Variants in SHANK2 observed in about 807,000 individuals in gnomAD.
The protein encoded by SHANK2 is SH3 and multiple ankyrin repeat domains protein 2.
SHANK2 carries 43 observed loss-of-function variants against 133.7 expected under a neutral mutation model. The ratio of observed to expected loss-of-function variants is 0.32; its 90% confidence interval spans 0.25 to 0.41. The LOEUF (loss-of-function observed/expected upper bound fraction) is 0.41, where lower values mean the gene tolerates loss of function less well. SHANK2 is among the 10% of genes least tolerant of loss of function. The probability of loss-of-function intolerance (pLI) is 1.00; values close to 1 mark genes in which losing one functional copy is unlikely to be tolerated. For missense variants in SHANK2, 1,994 were observed against 2,235.8 expected, an observed-to-expected ratio of 0.89 and a Z score of 2.18; for synonymous variants, 1,017 against 952.8, an observed-to-expected ratio of 1.07 and a Z score of -1.24.
intron 17 of SHANK2, among the ~76,000 whole-genome samples, chr11:70,529,772 GA>G (rs1327951659): frequency 8.5e-5 from 13 of 152,118 alleles, no homozygotes; most frequent in Non-Finnish European, 1.5e-4. Context: ...CATTTCATGT[GA>G]AAGGAATCAG....
chr11:70,763,737 G>A, intron 14 of SHANK2, among the ~76,000 whole-genome samples: 1 of 152,178 alleles, frequency 6.6e-6, no homozygotes, highest in East Asian at 1.9e-4. Flanking sequence ...CAGGCAGAAT[G>A]CATTTGACAG....
chr11:70,489,620 T>C (rs1406254564), intron 23 of SHANK2: 4 of 538,536 alleles, frequency 7.4e-6, no homozygotes, highest in East Asian at 6.4e-5. Flanking sequence ...TCCACAACTC[T>C]CACAGGGCAA....
At chr11:71,069,857 T>C (rs1951119769) in intron 9 of SHANK2, among the ~76,000 whole-genome samples, 1 of 152,220 alleles carries the variant, frequency 6.6e-6, no homozygotes, top group African/African-American at 2.4e-5. Context: ...GAACAGTCTG[T>C]TGTTCAACAC....
Position 71,147,105 on chromosome 11 carries a change from G to T in SHANK2, c.207+15C>A. ...TTGTCCAGATGTGAACCAAAGGGCAGACCACGGGGCTCACCGTCTGCTGCA... is the reference window on the plus strand; with the variant it reads ...TTGTCCAGATGTGAACCAAAGGGCATACCACGGGGCTCACCGTCTGCTGCA... On this transcript the variant is annotated intron_variant, in intron 3 of 25. Coordinates refer to ENST00000601538, the MANE Select transcript of SHANK2 (RefSeq NM_012309.5). 1 of 1,540,138 alleles carries T rather than the reference G, an allele frequency of 6.5e-7. No homozygotes were observed. The highest frequency in any genetic ancestry group is 1.2e-5 in the South Asian group (1 of 83,324).
At chr11:70,776,991 AC>A (rs1345077406) in intron 14 of SHANK2, among the ~76,000 whole-genome samples, 1 of 149,296 alleles carries the variant, frequency 6.7e-6, no homozygotes, top group African/African-American at 2.5e-5. Flanking sequence ...CTACTCAGCC[AC>A]CCTTCTGTCC....
chr11:70,806,295 T>A (rs1243101111), intron 13 of SHANK2, among the ~76,000 whole-genome samples: 3 of 152,290 alleles, frequency 2.0e-5, no homozygotes, highest in African/African-American at 7.2e-5. Flanking sequence ...CCCAGTGAGT[T>A]CCTACCACCC....
rs1742114318 is a variant in SHANK2 at position 70,485,208 on chromosome 11, G to A, written c.4979+106C>T. 1.0e-5 allele frequency: 10 copies of A among 960,062 alleles called. No homozygotes were observed. The highest frequency in any genetic ancestry group is 1.7e-5 in the Non-Finnish European group (10 of 604,240). The allele number at this position is 960,062 out of a possible 1,614,324, so 59.5% of individuals were successfully genotyped here. A position where few individuals can be genotyped will look rare whatever the true frequency, so the allele number is the denominator to read the frequency against. On this transcript the variant is annotated intron_variant, in intron 25 of 25. Transcript: ENST00000601538. The surrounding 1 kb of genome is among the most constrained non-coding windows in gnomAD (Gnocchi z 5.8). Reference sequence around the variant, plus strand: ...CAGACGTGGCCCACACAGGCTTTACGAATTCCCCTCTTCGTGTCCGCTGGG... The same window carrying A: ...CAGACGTGGCCCACACAGGCTTTACAAATTCCCCTCTTCGTGTCCGCTGGG...
chr11:70,816,940 T>C (rs1229923028), intron 12 of SHANK2, among the ~76,000 whole-genome samples: 6 of 152,222 alleles, frequency 3.9e-5, no homozygotes, highest in African/African-American at 1.4e-4. Context: ...TGAATGTCCC[T>C]GCGCCCAGCA....
chr11:70,613,768 T>TTTTTTG (rs1382009592), intron 17 of SHANK2, among the ~76,000 whole-genome samples: 1 of 146,366 alleles, frequency 6.8e-6, no homozygotes, highest in Non-Finnish European at 1.5e-5. Context: ...AACTTGTTTT[T>TTTTTTG]TTTTTTTTTT....
intron 25 of SHANK2, among the ~76,000 whole-genome samples, chr11:70,478,555 G>A (rs782730114): frequency 2.6e-5 from 4 of 152,196 alleles, no homozygotes; most frequent in East Asian, 1.9e-4. Context: ...GATAAGCAGG[G>A]CATTGAAAAG....
intron 17 of SHANK2, among the ~76,000 whole-genome samples, chr11:70,560,030 C>T (rs1223094411): frequency 1.3e-5 from 2 of 152,122 alleles, no homozygotes; most frequent in Non-Finnish European, 2.9e-5. Flanking sequence ...CACCACCACG[C>T]CAAGCTAATT....
rs1555156085 is a variant in SHANK2 at position 70,492,374 on chromosome 11, C to T, written c.2400G>A (p.Arg800=). 6.2e-7 allele frequency: 1 copy of T among 1,613,026 alleles called. No individual in the cohort carries two copies. Among genetic ancestry groups the T allele is most frequent in the South Asian group, 1.1e-5 (1 of 91,082 alleles). Residue 800 remains arginine, a synonymous_variant, in exon 22 of 26, where the codon CGG becomes CGA. Coordinates refer to ENST00000601538, the MANE Select transcript of SHANK2 (RefSeq NM_012309.5). The part of the protein sequence containing the change: ...VEPRVATIKQ[R]PSSRCFPAGS... Reference sequence around the variant, plus strand: ...CCGCCGGGAAGCACCGGCTGCTGGGCCGCTGCTTGATGGTCGCCACCCTCG... The same window carrying T: ...CCGCCGGGAAGCACCGGCTGCTGGGTCGCTGCTTGATGGTCGCCACCCTCG...
intron 14 of SHANK2, among the ~76,000 whole-genome samples, chr11:70,771,979 C>G (rs1238271989): frequency 6.6e-6 from 1 of 152,122 alleles, no homozygotes; most frequent in African/African-American, 2.4e-5. Context: ...GTGAAGGTCT[C>G]TAAGGATGAG....
At chr11:70,899,841 G>C (rs994898280) in intron 10 of SHANK2, among the ~76,000 whole-genome samples, 2 of 152,202 alleles carry the variant, frequency 1.3e-5, no homozygotes, top group African/African-American at 4.8e-5. Flanking sequence ...TGATACTGGC[G>C]GACTGGCGGA....
intron 14 of SHANK2, among the ~76,000 whole-genome samples, chr11:70,733,504 G>C (rs1555032759): frequency 6.6e-6 from 1 of 152,198 alleles, no homozygotes. Context: ...TGGAACCCAG[G>C]GCTGCTGCCT....
chr11:70,749,238 A>G (rs530323356), intron 14 of SHANK2, among the ~76,000 whole-genome samples: 2 of 152,356 alleles, frequency 1.3e-5, no homozygotes, highest in Non-Finnish European at 2.9e-5. Context: ...TGGAGGGAGA[A>G]GAGCCAGAGG....
chr11:70,473,537 C>T lies in SHANK2; in HGVS notation c.4980-98G>A. On this transcript the variant is annotated intron_variant, in intron 25 of 25. Coordinates refer to ENST00000601538, the MANE Select transcript of SHANK2 (RefSeq NM_012309.5). This position sits in a 1 kb window ranked among gnomAD's most constrained non-coding sequence, Gnocchi z 5.9. ...AGGAAGGCGAGGGAGACGCCCAAAC[C>T]ATGCCAGAGTGTCTAGTGGCAGATC... is the stretch of plus-strand genomic sequence containing the variant. The T allele has an allele frequency of 8.3e-7, 1 of 1,202,596 alleles. No homozygotes were observed. Among genetic ancestry groups the T allele is most frequent in the South Asian group, 1.3e-5 (1 of 79,308 alleles). The allele number at this position is 1,202,596 out of a possible 1,614,324, so 74.5% of individuals were successfully genotyped here.
At chr11:71,242,351 C>T (rs1954905377) in intron 1 of SHANK2, among the ~76,000 whole-genome samples, 1 of 152,204 alleles carries the variant, frequency 6.6e-6, no homozygotes, top group African/African-American at 2.4e-5. Context: ...TGCCTCAGAA[C>T]TACACACCTA....
chr11:71,102,082 G>A (rs782076395), intron 6 of SHANK2, among the ~76,000 whole-genome samples: 1 of 152,104 alleles, frequency 6.6e-6, no homozygotes, highest in Non-Finnish European at 1.5e-5. Context: ...CTTTTGTGGT[G>A]CCTGAGGCTT....
Sources: gnomAD v4.1 joint callset for allele counts (sites outside exome capture counted in the v4.1 genomes callset) on GRCh38, gnomAD v4.1.1 for gene constraint, Gnocchi (gnomAD v3.1) non-coding constraint, MANE v1.5 for transcripts, NCBI Gene and HGNC (gene_info 2026-07-23, HGNC 2026-07-21) for gene names.